ANXA10: variants seen among roughly 807,000 people sequenced by gnomAD.
ANXA10 encodes the protein annexin A10.
Under a neutral mutation model 53.5 loss-of-function variants are expected in ANXA10, and 49 were observed. The observed-to-expected ratio is 0.92, with a 90% CI of 0.73 to 1.16. ANXA10 has a LOEUF of 1.16. Ranked by LOEUF, ANXA10 falls within the 50% of genes most tolerant of loss-of-function variation. The pLI, the probability that ANXA10 is intolerant of heterozygous loss-of-function variation, is 0.00. For missense variants in ANXA10, 393 were observed against 394.4 expected, an observed-to-expected ratio of 1.00 and a Z score of 0.03; for synonymous variants, 131 against 128.9, an observed-to-expected ratio of 1.02 and a Z score of -0.11.
chr4:168,179,447 A>C, intron 9 of ANXA10, 135 bp downstream of exon 9: 1 of 619,748 alleles, frequency 1.6e-6, no homozygotes, highest in East Asian at 3.0e-5. Flanking sequence ...TTTTAAAAGG[A>C]CATTAACTCC....
intron 6 of ANXA10, among the ~76,000 whole-genome samples, chr4:168,166,363 T>C (rs952838091): frequency 1.4e-4 from 22 of 152,250 alleles, no homozygotes; most frequent in African/African-American, 5.1e-4. Flanking sequence ...CTAAATGATA[T>C]ATAAGTATTT....
At chr4:168,102,059 A>G (rs1730648579) in intron 1 of ANXA10, among the ~76,000 whole-genome samples, 1 of 152,122 alleles carries the variant, frequency 6.6e-6, no homozygotes, top group African/African-American at 2.4e-5. Flanking sequence ...GTGAGAAACA[A>G]CTTTACCAAG....
chr4:168,133,193 C>T (rs910442941), intron 2 of ANXA10, among the ~76,000 whole-genome samples: 29 of 151,864 alleles, frequency 1.9e-4, no homozygotes, highest in East Asian at 1.7e-3. Flanking sequence ...TGTGTTCCTA[C>T]GCACAAAAAG....
Position 168,095,125 on chromosome 4 carries a change from G to GTATC in ANXA10, c.18+2409_18+2412dup, listed in dbSNP as rs1288127664. On this transcript the variant is annotated intron_variant, in intron 1 of 11. Transcript: ENST00000359299. ...TGCCCAAGTCAGGATCTAAACCCAG[G>GTATC]TATCTCTACATCCCTAGAGCTCAAA... is the stretch of plus-strand genomic sequence containing the variant. Among the ~76,000 whole-genome samples the GTATC allele has an allele frequency of 2.2e-4, 34 of 151,986 alleles. 2 individuals carry two copies. Among genetic ancestry groups the GTATC allele is most frequent in the Admixed American group, 2.1e-3 (32 of 15,258 alleles).
intron 11 of ANXA10, among the ~76,000 whole-genome samples, chr4:168,186,061 T>C (rs642729): frequency 0.23 from 34,658 of 152,192 alleles, 4,170 homozygotes; most frequent in Non-Finnish European, 0.26. Flanking sequence ...TCTAAATGAA[T>C]ACATTAGTTC....
chr4:168,103,830 T>A (rs1201316384), intron 1 of ANXA10, among the ~76,000 whole-genome samples: 1 of 151,932 alleles, frequency 6.6e-6, no homozygotes, highest in Non-Finnish European at 1.5e-5. Context: ...TTTAAATAAC[T>A]GTCAGAAGTA....
intron 1 of ANXA10, among the ~76,000 whole-genome samples, chr4:168,098,095 TTAA>T (rs1051499727): frequency 1.3e-5 from 2 of 151,904 alleles, no homozygotes; most frequent in African/African-American, 4.8e-5. Context: ...AAGTATTACT[TTAA>T]ATCTAAGGCA....
At position 168,165,287 on chromosome 4, in the gene ANXA10, C is replaced by T. The variant is rs1299181336; in HGVS notation, c.441C>T (p.Thr147=). 1 of 1,595,404 alleles carries T rather than the reference C, an allele frequency of 6.3e-7. No individual in the cohort carries two copies. The highest frequency in any genetic ancestry group is 8.6e-7 in the Non-Finnish European group (1 of 1,168,554). Residue 147 remains threonine (T), a synonymous_variant, in exon 6 of 12, where the codon ACC becomes ACT. Coordinates refer to ENST00000359299, the MANE Select transcript of ANXA10 (RefSeq NM_007193.5). ...NNLQEDIYSE[T]SGHFRDTLMN... Reference sequence around the variant, plus strand: ...TCCAAGAGGACATTTATTCAGAGACCTCAGGACACTTCAGAGATACTCTCA... The same window carrying T: ...TCCAAGAGGACATTTATTCAGAGACTTCAGGACACTTCAGAGATACTCTCA...
intron 4 of ANXA10, 93 bp downstream of exon 4, chr4:168,162,734 A>G: frequency 1.1e-6 from 1 of 902,518 alleles, no homozygotes; most frequent in Non-Finnish European, 1.8e-6. Flanking sequence ...ACATACTTAT[A>G]TGATCAAGGA....
intron 2 of ANXA10, among the ~76,000 whole-genome samples, chr4:168,132,977 C>A (rs1201517845): frequency 6.6e-6 from 1 of 152,010 alleles, no homozygotes; most frequent in Non-Finnish European, 1.5e-5. Context: ...CAGACATGTG[C>A]AGAGAGGTGA....
chr4:168,164,024 G>A (rs1011019944), intron 4 of ANXA10, among the ~76,000 whole-genome samples, 174 bp from the exon 5 acceptor site: 5 of 152,108 alleles, frequency 3.3e-5, no homozygotes, highest in African/African-American at 1.2e-4. Context: ...GGGTCAAATA[G>A]GTAGTAAATG....
chr4:168,181,802 T>A, intron 10 of ANXA10, 61 bp downstream of exon 10: 2 of 1,175,464 alleles, frequency 1.7e-6, no homozygotes, highest in Non-Finnish European at 2.5e-6. Context: ...CTCAAAGGAT[T>A]AATTTTACTT....
intron 3 of ANXA10, among the ~76,000 whole-genome samples, chr4:168,143,761 T>G (rs1189292368): frequency 6.6e-6 from 1 of 152,210 alleles, no homozygotes; most frequent in African/African-American, 2.4e-5. Flanking sequence ...GTCATTCATT[T>G]AACCCACATG....
chr4:168,150,808 A>C (rs2319702), intron 3 of ANXA10, among the ~76,000 whole-genome samples: 12,733 of 152,096 alleles, frequency 0.084, 912 homozygotes, highest in African/African-American at 0.21. Flanking sequence ...CAGAACCACT[A>C]AGCGGTCAGT....
chr4:168,110,072 G>T (rs935751117), intron 1 of ANXA10, among the ~76,000 whole-genome samples: 1 of 152,144 alleles, frequency 6.6e-6, no homozygotes, highest in African/African-American at 2.4e-5. Context: ...TTAGCCAGAC[G>T]TGGTGGCGGG....
intron 6 of ANXA10, among the ~76,000 whole-genome samples, chr4:168,171,864 G>A (rs1731997207): frequency 6.6e-6 from 1 of 152,182 alleles, no homozygotes; most frequent in Non-Finnish European, 1.5e-5. Flanking sequence ...GATGATAAAC[G>A]TTTTCAGGAA....
intron 1 of ANXA10, among the ~76,000 whole-genome samples, chr4:168,096,096 C>T (rs1177387448): frequency 6.6e-6 from 1 of 152,128 alleles, no homozygotes; most frequent in Non-Finnish European, 1.5e-5. Context: ...CTCCATAAAT[C>T]AGAAATGAAT....
At chr4:168,163,070 T>G (rs989861496) in intron 4 of ANXA10, among the ~76,000 whole-genome samples, 1 of 152,192 alleles carries the variant, frequency 6.6e-6, no homozygotes, top group East Asian at 1.9e-4. Flanking sequence ...GGACAATATA[T>G]AGATGATGTC....
At chr4:168,112,734 T>A (rs1730830606) in intron 1 of ANXA10, among the ~76,000 whole-genome samples, 2 of 152,008 alleles carry the variant, frequency 1.3e-5, no homozygotes, top group African/African-American at 2.4e-5. Context: ...CAGAAATGAA[T>A]CTCCCTGCCG....
Sources: allele counts gnomAD v4.1 joint callset (sites outside exome capture counted in the v4.1 genomes callset), GRCh38; gene constraint gnomAD v4.1.1; transcripts MANE v1.5; gene names NCBI Gene and HGNC (gene_info 2026-07-23, HGNC 2026-07-21).